WNT1: variants seen among roughly 807,000 people sequenced by gnomAD.
WNT1 encodes the protein Wnt family member 1.
WNT1 carries 10 observed loss-of-function variants against 21.3 expected under a neutral mutation model. The observed-to-expected ratio is 0.47, with a 90% CI of 0.29 to 0.80. The LOEUF is 0.80. Ranked by LOEUF, WNT1 falls within the 30% of genes least tolerant of loss-of-function variation. The pLI, the probability that WNT1 is intolerant of heterozygous loss-of-function variation, is 0.09. For synonymous variants in WNT1, 208 were observed against 236.3 expected (o/e 0.88, Z 1.10); for missense variants, 476 against 534.1 (o/e 0.89, Z 1.07).
In WNT1 at chr12:48,980,047, T is replaced by C. The variant is rs925581486; in HGVS notation, c.358+326T>C. Among the ~76,000 whole-genome samples the C allele has an allele frequency of 1.3e-5, 2 of 152,270 alleles. No individual in the cohort carries two copies. Among genetic ancestry groups the C allele is most frequent in the African/African-American group, 4.8e-5 (2 of 41,472 alleles). ...AAGCTGCTCTCTGCAGGCGTGTGTCTGGCCTCTCGCCCAGCAAGGCTTGCA... is the reference window on the plus strand; with the variant it reads ...AAGCTGCTCTCTGCAGGCGTGTGTCCGGCCTCTCGCCCAGCAAGGCTTGCA... On this transcript the variant is annotated intron_variant, in intron 2 of 3. Transcript: ENST00000293549. The surrounding 1 kb of genome is among the most constrained non-coding windows in gnomAD (Gnocchi z 7.0).
At position 48,982,584 on chromosome 12, in the gene WNT1, T is replaced by G. The variant is rs566028721; in HGVS notation, c.*944T>G. 8.5e-5 allele frequency among the ~76,000 whole-genome samples: 13 copies of G among 152,328 alleles called. No homozygotes were observed. Among genetic ancestry groups the G allele is most frequent in the South Asian group, 2.1e-4 (1 of 4,832 alleles). On this transcript the variant is annotated 3_prime_UTR_variant, in exon 4 of 4. Coordinates refer to ENST00000293549, the MANE Select transcript of WNT1 (RefSeq NM_005430.4). ...TCCTCGCCCCCACCAGTGTAGCATCTTCCTCTGCAGAATAAAATCTCTATT... is the reference window on the plus strand; with the variant it reads ...TCCTCGCCCCCACCAGTGTAGCATCGTCCTCTGCAGAATAAAATCTCTATT...
chr12:48,981,245 C>T lies in WNT1; in HGVS notation c.718C>T (p.Arg240Cys), dbSNP rs1235756408. ...GTGCTGGATGCGGCTGCCCACGCTG[C>T]GCGCCGTGGGCGATGTGCTGCGCGA... ...RTCWMRLPTL[R>C]AVGDVLRDRF... Residue 240 changes from arginine (R) to cysteine (C), a missense_variant, in exon 4 of 4, where the codon CGC becomes TGC. By Grantham distance (180) the Arg-to-Cys change is radical. Coordinates refer to ENST00000293549, the MANE Select transcript of WNT1 (RefSeq NM_005430.4). The surrounding 1 kb of genome is among the most constrained non-coding windows in gnomAD (Gnocchi z 7.4). The T allele has an allele frequency of 1.9e-6, 3 of 1,609,138 alleles. No individual in the cohort carries two copies. Among genetic ancestry groups the T allele is most frequent in the African/African-American group, 1.3e-5 (1 of 74,524 alleles).
Position 48,979,744 on chromosome 12 carries a change from C to G in WNT1, c.358+23C>G. 6.4e-7 allele frequency: 1 copy of G among 1,562,306 alleles called. No individual in the cohort carries two copies. Among genetic ancestry groups the G allele is most frequent in the Non-Finnish European group, 8.7e-7 (1 of 1,151,862 alleles). ...GAGGTGGGTGCCCAGGAAGGCGACG[C>G]TTCCGGGAGCAGGGGAAACGCGGGG... On this transcript the variant is annotated intron_variant, in intron 2 of 3. Transcript: ENST00000293549. This position sits in a 1 kb window ranked among gnomAD's most constrained non-coding sequence, Gnocchi z 6.0.
At position 48,981,190 on chromosome 12, in the gene WNT1, C is replaced by T. The variant is rs767207896; in HGVS notation, c.663C>T (p.His221=). 9 of 1,612,354 alleles carry T rather than the reference C, an allele frequency of 5.6e-6. 1 individual carries two copies. The highest frequency in any genetic ancestry group is 2.2e-5 in the South Asian group (2 of 91,066). Reference sequence around the variant, plus strand: ...AGATGCGCCAGGAGTGCAAGTGCCACGGGATGTCCGGCTCATGCACGGTGC... The same window carrying T: ...AGATGCGCCAGGAGTGCAAGTGCCATGGGATGTCCGGCTCATGCACGGTGC... The part of the protein sequence containing the change: ...FSEMRQECKC[H]GMSGSCTVRT... Residue 221 remains histidine (H), a synonymous_variant, in exon 4 of 4, where the codon CAC becomes CAT. Coordinates refer to ENST00000293549, the MANE Select transcript of WNT1 (RefSeq NM_005430.4). The surrounding 1 kb of genome is among the most constrained non-coding windows in gnomAD (Gnocchi z 7.4).
chr12:48,980,637 G>A lies in WNT1; in HGVS notation c.572G>A (p.Gly191Glu). Reference sequence around the variant, plus strand: ...GAGTTCGTGGACTCCGGGGAGAAGGGGCGGGACCTGCGCTTCCTCATGAAC... The same window carrying A: ...GAGTTCGTGGACTCCGGGGAGAAGGAGCGGGACCTGCGCTTCCTCATGAAC... The part of the protein sequence containing the change: ...GREFVDSGEK[G>E]RDLRFLMNLH... The change falls in exon 3 of 4, where the codon GGG becomes GAG. Residue 191 changes from glycine (G) to glutamate (E), a missense_variant. By Grantham distance (98) the Gly-to-Glu change is moderately conservative. Coordinates refer to ENST00000293549, the MANE Select transcript of WNT1 (RefSeq NM_005430.4). The surrounding 1 kb of genome is among the most constrained non-coding windows in gnomAD (Gnocchi z 7.0). 6.3e-7 allele frequency: 1 copy of A among 1,593,424 alleles called. No homozygotes were observed. Among genetic ancestry groups the A allele is most frequent in the Non-Finnish European group, 8.5e-7 (1 of 1,169,920 alleles).
rs1033810883 is a variant in WNT1, at chr12:48,979,625, A to C, written c.262A>C (p.Ser88Arg). ...ILHSVSGGLQSAVRECKWQFR... is the reference protein window; with the variant it reads ...ILHSVSGGLQRAVRECKWQFR... ...GCACAGCGTGAGTGGGGGGCTGCAG[A>C]GTGCCGTGCGCGAGTGCAAGTGGCA... Residue 88 changes from serine (S) to arginine (R), a missense_variant, in exon 2 of 4, where the codon AGT becomes CGT. By Grantham distance (110) the Ser-to-Arg change is moderately radical (BLOSUM62 -1). Transcript: ENST00000293549. The surrounding 1 kb of genome is among the most constrained non-coding windows in gnomAD (Gnocchi z 6.0). The C allele has an allele frequency of 1.2e-6, 2 of 1,614,016 alleles. No homozygotes were observed. Among genetic ancestry groups the C allele is most frequent in the Non-Finnish European group, 8.5e-7 (1 of 1,179,974 alleles).
chr12:48,979,420 AG>A lies in WNT1; in HGVS notation c.105-45del. ...ACCGGGTGGCACAGTTTTTATGGTTAGGGTGCGGATCCCCTTCCTGAGCCTG... is the reference window on the plus strand; with the variant it reads ...ACCGGGTGGCACAGTTTTTATGGTTAGGTGCGGATCCCCTTCCTGAGCCTG... On this transcript the variant is annotated intron_variant, in intron 1 of 3. Transcript: ENST00000293549. The surrounding 1 kb of genome is among the most constrained non-coding windows in gnomAD (Gnocchi z 6.0). 2.6e-6 allele frequency: 4 copies of A among 1,552,132 alleles called. No individual in the cohort carries two copies. The highest frequency in any genetic ancestry group is 3.5e-6 in the Non-Finnish European group (4 of 1,145,050).
rs1177992277 is a variant in WNT1, at chr12:48,981,862, CG to C, written c.*224del. Reference sequence around the variant, plus strand: ...TCTTGCCATCCTGATGGACCTGCCCCGGACCTACCTCCCTCCCTCTCCGCGG... The same window carrying C: ...TCTTGCCATCCTGATGGACCTGCCCCGACCTACCTCCCTCCCTCTCCGCGG... On this transcript the variant is annotated 3_prime_UTR_variant, in exon 4 of 4. Transcript: ENST00000293549. The surrounding 1 kb of genome is among the most constrained non-coding windows in gnomAD (Gnocchi z 7.4). Among the ~76,000 whole-genome samples, 3 of 152,170 alleles carry C rather than the reference CG, an allele frequency of 2.0e-5. No individual in the cohort carries two copies. The highest frequency in any genetic ancestry group is 2.0e-4 in the Admixed American group (3 of 15,274).
chr12:48,981,302 G>A lies in WNT1; in HGVS notation c.775G>A (p.Gly259Ser), dbSNP rs766181837. 21 of 1,582,324 alleles carry A rather than the reference G, an allele frequency of 1.3e-5. No homozygotes were observed. Among genetic ancestry groups the A allele is most frequent in the Non-Finnish European group, 1.6e-5 (19 of 1,164,708 alleles). ...RFDGASRVLY[G>S]NRGSNRASRA... ...CGACGGCGCCTCGCGCGTCCTGTAC[G>A]GCAACCGCGGCAGCAACCGCGCTTC... The change falls in exon 4 of 4, where the codon GGC becomes AGC. Residue 259 changes from glycine (G) to serine (S), a missense_variant. Physicochemically the swap from Gly to Ser is moderately conservative, Grantham distance 56 (BLOSUM62 0). Coordinates refer to ENST00000293549, the MANE Select transcript of WNT1 (RefSeq NM_005430.4). This position sits in a 1 kb window ranked among gnomAD's most constrained non-coding sequence, Gnocchi z 7.4.
chr12:48,981,652 G>A lies in WNT1; in HGVS notation c.*12G>A, dbSNP rs1268158189. ...ACGAGTGTCTGTGAGGCGCTGCGCGGACTCGCCCCCAGGAACGCTCTCCTC... is the reference window on the plus strand; with the variant it reads ...ACGAGTGTCTGTGAGGCGCTGCGCGAACTCGCCCCCAGGAACGCTCTCCTC... On this transcript the variant is annotated 3_prime_UTR_variant, in exon 4 of 4. Coordinates refer to ENST00000293549, the MANE Select transcript of WNT1 (RefSeq NM_005430.4). This position sits in a 1 kb window ranked among gnomAD's most constrained non-coding sequence, Gnocchi z 7.4. 2.8e-6 allele frequency: 4 copies of A among 1,429,890 alleles called. No homozygotes were observed. In the South Asian group the frequency reaches 4.5e-5, roughly 16 times the overall value. The allele number at this position is 1,429,890 out of a possible 1,614,324, so 88.6% of individuals were successfully genotyped here.
chr12:48,979,438 C>G lies in WNT1; in HGVS notation c.105-30C>G, dbSNP rs1940981084. On this transcript the variant is annotated intron_variant, in intron 1 of 3. Coordinates refer to ENST00000293549, the MANE Select transcript of WNT1 (RefSeq NM_005430.4). This position sits in a 1 kb window ranked among gnomAD's most constrained non-coding sequence, Gnocchi z 6.0. ...TATGGTTAGGGTGCGGATCCCCTTC[C>G]TGAGCCTGAGCTATCATACGTCCCA... The G allele has an allele frequency of 1.3e-6, 2 of 1,576,078 alleles. No individual in the cohort carries two copies. The highest frequency in any genetic ancestry group is 1.3e-5 in the African/African-American group (1 of 74,142).
chr12:48,979,793 G>A lies in WNT1; in HGVS notation c.358+72G>A. The A allele has an allele frequency of 1.4e-6, 2 of 1,471,626 alleles. No homozygotes were observed. Among genetic ancestry groups the A allele is most frequent in the African/African-American group, 2.8e-5 (2 of 71,070 alleles). The allele number at this position is 1,471,626 out of a possible 1,614,324, so 91.2% of individuals were successfully genotyped here. A position where few individuals can be genotyped will look rare whatever the true frequency, so the allele number is the denominator to read the frequency against. On this transcript the variant is annotated intron_variant, in intron 2 of 3. Coordinates refer to ENST00000293549, the MANE Select transcript of WNT1 (RefSeq NM_005430.4). This position sits in a 1 kb window ranked among gnomAD's most constrained non-coding sequence, Gnocchi z 6.0. ...GGTCACCCCCAGGGCATGGGCGGGC[G>A]AGTTCAGAGAAGGTGTCCCAGGCGC... is the stretch of plus-strand genomic sequence containing the variant.
chr12:48,980,882 T>G lies in WNT1; in HGVS notation c.624+193T>G, dbSNP rs1426594224. ...AAGGTATGTCTGGCCCGCGGACAGGTAGAAGAGGTTGCAAATCAAGCACAG... is the reference window on the plus strand; with the variant it reads ...AAGGTATGTCTGGCCCGCGGACAGGGAGAAGAGGTTGCAAATCAAGCACAG... On this transcript the variant is annotated intron_variant, in intron 3 of 3. Transcript: ENST00000293549. This position sits in a 1 kb window ranked among gnomAD's most constrained non-coding sequence, Gnocchi z 7.0. 1.3e-5 allele frequency among the ~76,000 whole-genome samples: 2 copies of G among 152,024 alleles called. No individual in the cohort carries two copies. Among genetic ancestry groups the G allele is most frequent in the African/African-American group, 4.8e-5 (2 of 41,382 alleles).
In WNT1 at chr12:48,981,028, G is replaced by C. The variant is rs1455738072; in HGVS notation, c.625-124G>C. The C allele has an allele frequency of 6.9e-7, 1 of 1,451,236 alleles. No homozygotes were observed. Among genetic ancestry groups the C allele is most frequent in the South Asian group, 1.4e-5 (1 of 71,056 alleles). The allele number at this position is 1,451,236 out of a possible 1,614,324, so 89.9% of individuals were successfully genotyped here. A position where few individuals can be genotyped will look rare whatever the true frequency, so the allele number is the denominator to read the frequency against. On this transcript the variant is annotated intron_variant, in intron 3 of 3. Transcript: ENST00000293549. This position sits in a 1 kb window ranked among gnomAD's most constrained non-coding sequence, Gnocchi z 7.4. ...GAACATTTCGCGCCTCCCTTCCCCTGGGCTCAGCTAGGCCTGGGCCTTTGC... is the reference window on the plus strand; with the variant it reads ...GAACATTTCGCGCCTCCCTTCCCCTCGGCTCAGCTAGGCCTGGGCCTTTGC...
chr12:48,980,501 G>C lies in WNT1; in HGVS notation c.436G>C (p.Gly146Arg), dbSNP rs1940995399. The change falls in exon 3 of 4, where the codon GGT becomes CGT. Residue 146 changes from glycine to arginine, a missense_variant. Coordinates refer to ENST00000293549, the MANE Select transcript of WNT1 (RefSeq NM_005430.4). The surrounding 1 kb of genome is among the most constrained non-coding windows in gnomAD (Gnocchi z 7.0). ...THSVARSCSE[G>R]SIESCTCDYR... ...TTCGGTGGCGCGCTCCTGCTCAGAA[G>C]GTTCCATCGAATCCTGCACGTGTGA... is the stretch of plus-strand genomic sequence containing the variant. The C allele has an allele frequency of 6.2e-7, 1 of 1,614,190 alleles. No individual in the cohort carries two copies.
At position 48,980,030 on chromosome 12, in the gene WNT1, C is replaced by T. The variant is rs1228787789; in HGVS notation, c.358+309C>T. ...TCTCAAAAGCGCCTGGGAAGCTGCTCTCTGCAGGCGTGTGTCTGGCCTCTC... is the reference window on the plus strand; with the variant it reads ...TCTCAAAAGCGCCTGGGAAGCTGCTTTCTGCAGGCGTGTGTCTGGCCTCTC... On this transcript the variant is annotated intron_variant, in intron 2 of 3. Transcript: ENST00000293549. This position sits in a 1 kb window ranked among gnomAD's most constrained non-coding sequence, Gnocchi z 7.0. Among the ~76,000 whole-genome samples, 1 of 152,268 alleles carries T rather than the reference C, an allele frequency of 6.6e-6. No individual in the cohort carries two copies. The highest frequency in any genetic ancestry group is 6.5e-5 in the Admixed American group (1 of 15,288).
chr12:48,981,262 G>A lies in WNT1; in HGVS notation c.735G>A (p.Val245=). Reference sequence around the variant, plus strand: ...CCACGCTGCGCGCCGTGGGCGATGTGCTGCGCGACCGCTTCGACGGCGCCT... The same window carrying A: ...CCACGCTGCGCGCCGTGGGCGATGTACTGCGCGACCGCTTCGACGGCGCCT... The part of the protein sequence containing the change: ...RLPTLRAVGD[V]LRDRFDGASR... Residue 245 remains valine (V), a synonymous_variant, in exon 4 of 4, where the codon GTG becomes GTA. Transcript: ENST00000293549. This position sits in a 1 kb window ranked among gnomAD's most constrained non-coding sequence, Gnocchi z 7.4. 6.2e-7 allele frequency: 1 copy of A among 1,606,988 alleles called. No individual in the cohort carries two copies. Among genetic ancestry groups the A allele is most frequent in the Non-Finnish European group, 8.5e-7 (1 of 1,176,986 alleles).
rs1941014492 is a variant in WNT1, at chr12:48,981,524, GGCCACCGCACGCGCACGCAGCGC to G, written c.999_1021del (p.Thr336AlafsTer125). The G allele has an allele frequency of 1.3e-6, 2 of 1,545,824 alleles. No individual in the cohort carries two copies. Among genetic ancestry groups the G allele is most frequent in the Non-Finnish European group, 1.7e-6 (2 of 1,145,290 alleles). ...CTGCGAGCTGCTCTGCTGCGGCAGG[GGCCACCGCACGCGCACGCAGCGC>G]GTCACCGAGCGCTGCAACTGCACCT... On this transcript the variant is annotated frameshift_variant, in exon 4 of 4. Transcript: ENST00000293549. LOFTEE classifies it high-confidence loss of function. This position sits in a 1 kb window ranked among gnomAD's most constrained non-coding sequence, Gnocchi z 7.4.
chr12:48,979,962 T>C lies in WNT1; in HGVS notation c.358+241T>C, dbSNP rs1046616408. Among the ~76,000 whole-genome samples, 1 of 152,224 alleles carries C rather than the reference T, an allele frequency of 6.6e-6. No homozygotes were observed. The highest frequency in any genetic ancestry group is 2.4e-5 in the African/African-American group (1 of 41,452). ...GCTACTGCCCCAGATAAAGAAAGTT[T>C]CGGGTCGCGGACGCCGGCTGACCGC... On this transcript the variant is annotated intron_variant, in intron 2 of 3. Transcript: ENST00000293549. The surrounding 1 kb of genome is among the most constrained non-coding windows in gnomAD (Gnocchi z 6.0).
Sources: allele counts gnomAD v4.1 joint callset (sites outside exome capture counted in the v4.1 genomes callset), GRCh38; gene constraint gnomAD v4.1.1; non-coding constraint Gnocchi (gnomAD v3.1); transcripts MANE v1.5; gene names NCBI Gene and HGNC (gene_info 2026-07-23, HGNC 2026-07-21).